Variants in CTNND2 observed in about 807,000 individuals in gnomAD.
The protein encoded by CTNND2 is catenin delta 2, also known as catenin delta-2.
CTNND2 carries 22 observed loss-of-function variants against 144.4 expected under a neutral mutation model. That is an observed-to-expected ratio of 0.15 (90% confidence interval 0.11 to 0.22). The LOEUF (loss-of-function observed/expected upper bound fraction) is 0.22, where lower values mean the gene tolerates loss of function less well. Ranked by LOEUF, CTNND2 falls within the 10% of genes least tolerant of loss-of-function variation. The pLI is 1.00. For missense variants in CTNND2, 1,353 were observed against 1,618.8 expected (o/e 0.84, Z 2.82); for synonymous variants, 751 against 695.6 (o/e 1.08, Z -1.25).
intron 12 of CTNND2, among the ~76,000 whole-genome samples, chr5:11,128,731 A>ACATATATATT (rs1554049676): frequency 1.8e-5 from 1 of 55,222 alleles, no homozygotes; most frequent in Non-Finnish European, 2.9e-5. Flanking sequence ...CATATATATA[A>ACATATATATT]TATATATATT....
At chr5:11,721,567 A>C (rs1253427101) in intron 2 of CTNND2, among the ~76,000 whole-genome samples, 1 of 152,334 alleles carries the variant, frequency 6.6e-6, no homozygotes, top group South Asian at 2.1e-4. Flanking sequence ...TCTATCTCCA[A>C]ATATCAATGA....
At chr5:11,091,278 T>C (rs1750742308) in intron 15 of CTNND2, among the ~76,000 whole-genome samples, 1 of 152,212 alleles carries the variant, frequency 6.6e-6, no homozygotes, top group African/African-American at 2.4e-5. Flanking sequence ...AAACTGCTGT[T>C]AATCACACCC....
intron 1 of CTNND2, among the ~76,000 whole-genome samples, chr5:11,792,117 C>A (rs375511995): frequency 1.3e-5 from 2 of 152,066 alleles, no homozygotes; most frequent in East Asian, 1.9e-4. Flanking sequence ...CTAGACCATG[C>A]GGTCTCAAAG....
intron 3 of CTNND2, among the ~76,000 whole-genome samples, chr5:11,542,336 A>G (rs193059063): frequency 6.6e-6 from 1 of 152,278 alleles, no homozygotes; most frequent in Admixed American, 6.5e-5. Flanking sequence ...TTACCTAATC[A>G]TTCCAGGTTT....
intron 16 of CTNND2, 102 bp from the exon 17 acceptor site, chr5:11,023,081 T>A (rs934023635): frequency 2.0e-6 from 2 of 985,444 alleles, no homozygotes; most frequent in Non-Finnish European, 3.1e-6. Flanking sequence ...AGAGGCCACG[T>A]TTATGCAAAA....
chr5:11,602,669 T>A (rs904632066), intron 2 of CTNND2, among the ~76,000 whole-genome samples: 66 of 146,504 alleles, frequency 4.5e-4, no homozygotes, highest in Admixed American at 4.4e-3. Context: ...TTATATATAA[T>A]ATATATTATA....
intron 10 of CTNND2, among the ~76,000 whole-genome samples, chr5:11,202,796 T>A (rs1737597993): frequency 6.6e-6 from 1 of 152,082 alleles, no homozygotes; most frequent in South Asian, 2.1e-4. Flanking sequence ...AATTTCTTTT[T>A]TTTCTTTTTC....
At chr5:11,092,780 G>C (rs543361364) in intron 15 of CTNND2, among the ~76,000 whole-genome samples, 2 of 152,282 alleles carry the variant, frequency 1.3e-5, no homozygotes, top group South Asian at 4.1e-4. Flanking sequence ...CTAAAGCTTG[G>C]CATCACACCA....
In CTNND2 at chr5:11,903,833, C is replaced by G. The variant is rs773465690; in HGVS notation, c.21G>C (p.Pro7=). 46 of 1,482,304 alleles carry G rather than the reference C, an allele frequency of 3.1e-5. No homozygotes were observed. Among genetic ancestry groups the G allele is most frequent in the Admixed American group, 1.1e-4 (5 of 43,908 alleles). The allele number at this position is 1,482,304 out of a possible 1,614,324, so 91.8% of individuals were successfully genotyped here. A position where few individuals can be genotyped will look rare whatever the true frequency, so the allele number is the denominator to read the frequency against. The part of the protein sequence containing the change: MFARKP[P]GAAPLGAMPV... Reference sequence around the variant, plus strand: ...GCAACTCACCCAAAGGCGCGGCGCCCGGCGGCTTCCTCGCAAACATGCACC... The same window carrying G: ...GCAACTCACCCAAAGGCGCGGCGCCGGGCGGCTTCCTCGCAAACATGCACC... Residue 7 remains proline (P), a synonymous_variant, in exon 1 of 22, where the codon CCG becomes CCC. Transcript: ENST00000304623. This position sits in a 1 kb window ranked among gnomAD's most constrained non-coding sequence, Gnocchi z 5.4.
At chr5:11,149,646 G>A (rs1408785067) in intron 12 of CTNND2, among the ~76,000 whole-genome samples, 1 of 152,156 alleles carries the variant, frequency 6.6e-6, no homozygotes, top group Non-Finnish European at 1.5e-5. Context: ...GAAAGACAGT[G>A]AAGGACGCAG....
In CTNND2 at chr5:11,903,262, G is replaced by T. The variant is rs1046274326; in HGVS notation, c.37+555C>A. 1 of 985,500 alleles carries T rather than the reference G, an allele frequency of 1.0e-6. No individual in the cohort carries two copies. Among genetic ancestry groups the T allele is most frequent in the East Asian group, 1.1e-4 (1 of 8,804 alleles). The allele number at this position is 985,500 out of a possible 1,614,324, so 61.0% of individuals were successfully genotyped here. A position where few individuals can be genotyped will look rare whatever the true frequency, so the allele number is the denominator to read the frequency against. On this transcript the variant is annotated intron_variant, in intron 1 of 21. Coordinates refer to ENST00000304623, the MANE Select transcript of CTNND2 (RefSeq NM_001332.4). This position sits in a 1 kb window ranked among gnomAD's most constrained non-coding sequence, Gnocchi z 5.4. The stretch of plus-strand genomic sequence containing the variant: ...CCTGTGAAGCCGGCTGCAAAGGCTT[G>T]CTGGGAAGCCGCTAAATATAGACCA...
chr5:11,636,039 C>T (rs968017793), intron 2 of CTNND2, among the ~76,000 whole-genome samples: 14 of 150,672 alleles, frequency 9.3e-5, no homozygotes, highest in South Asian at 2.1e-4. Context: ...CCCCCACCCC[C>T]GCCACACACA....
At chr5:11,427,978 C>A (rs569944221) in intron 3 of CTNND2, among the ~76,000 whole-genome samples, 7 of 152,300 alleles carry the variant, frequency 4.6e-5, no homozygotes, top group African/African-American at 1.7e-4. Context: ...GCACTTCTTA[C>A]ATGGTGACAG....
At chr5:11,303,538 C>A (rs1234966756) in intron 9 of CTNND2, among the ~76,000 whole-genome samples, 1 of 152,118 alleles carries the variant, frequency 6.6e-6, no homozygotes, top group South Asian at 2.1e-4. Context: ...ACTGCTGAAG[C>A]GGATGCCTGG....
chr5:11,730,372 T>C (rs1316679377), intron 2 of CTNND2, among the ~76,000 whole-genome samples: 1 of 152,192 alleles, frequency 6.6e-6, no homozygotes, highest in Admixed American at 6.5e-5. Context: ...AGATGTCGAG[T>C]CAGTTATGAC....
chr5:11,399,388 T>TAAAAC (rs10695163), intron 5 of CTNND2, among the ~76,000 whole-genome samples: 8,713 of 152,288 alleles, frequency 0.057, 559 homozygotes, highest in African/African-American at 0.15. Context: ...AGCATTATCT[T>TAAAAC]AGACAGTTGC....
intron 3 of CTNND2, among the ~76,000 whole-genome samples, chr5:11,548,375 C>T (rs181293976): frequency 2.0e-5 from 3 of 152,098 alleles, no homozygotes; most frequent in African/African-American, 7.2e-5. Flanking sequence ...TTTTTAAAAC[C>T]ATGAATATGC....
chr5:11,366,639 A>C (rs1257061059), intron 7 of CTNND2, among the ~76,000 whole-genome samples: 1 of 151,314 alleles, frequency 6.6e-6, no homozygotes, highest in African/African-American at 2.4e-5. Flanking sequence ...CTTATTCCTG[A>C]AGGTTTTGAA....
At chr5:11,527,103 C>T (rs1171269030) in intron 3 of CTNND2, among the ~76,000 whole-genome samples, 1 of 152,012 alleles carries the variant, frequency 6.6e-6, no homozygotes, top group Non-Finnish European at 1.5e-5. Flanking sequence ...ACAATTTATA[C>T]TTTCAGTTTT....
Sources: allele counts gnomAD v4.1 joint callset (sites outside exome capture counted in the v4.1 genomes callset), GRCh38; gene constraint gnomAD v4.1.1; non-coding constraint Gnocchi (gnomAD v3.1); transcripts MANE v1.5; gene names NCBI Gene and HGNC (gene_info 2026-07-23, HGNC 2026-07-21).